SUGCT: variants seen among roughly 807,000 people sequenced by gnomAD.
SUGCT encodes succinyl-CoA:glutarate-CoA transferase, also known as succinyl-CoA:glutarate CoA-transferase.
SUGCT carries 41 observed loss-of-function variants against 55.0 expected under a neutral mutation model. That is an observed-to-expected ratio of 0.74 (90% CI 0.58 to 0.97). SUGCT has a LOEUF of 0.97. Among genes scored for constraint, SUGCT ranks in the 50% least tolerant of loss-of-function variants. The pLI, the probability that SUGCT is intolerant of heterozygous loss-of-function variation, is 0.00. For synonymous variants in SUGCT, 187 were observed against 200.4 expected, an observed-to-expected ratio of 0.93 and a Z score of 0.56; for missense variants, 568 against 547.8, an observed-to-expected ratio of 1.04 and a Z score of -0.37.
intron 8 of SUGCT, among the ~76,000 whole-genome samples, chr7:40,298,502 GT>G (rs768318170): frequency 7.2e-5 from 11 of 152,218 alleles, no homozygotes; most frequent in Admixed American, 2.6e-4. Flanking sequence ...TTTTCTTTTA[GT>G]GGGTAGGACT....
intron 12 of SUGCT, among the ~76,000 whole-genome samples, chr7:40,725,050 G>A (rs1444320565): frequency 6.6e-6 from 1 of 152,176 alleles, no homozygotes; most frequent in African/African-American, 2.4e-5. Flanking sequence ...GACAGGAGCT[G>A]TCGTGGGGCT....
At chr7:40,645,049 C>G (rs929108907) in intron 12 of SUGCT, among the ~76,000 whole-genome samples, 1 of 152,210 alleles carries the variant, frequency 6.6e-6, no homozygotes, top group Non-Finnish European at 1.5e-5. Context: ...CATGAGTCAA[C>G]ATCGCTCTGT....
chr7:40,851,928 C>T (rs1220661934), intron 13 of SUGCT, among the ~76,000 whole-genome samples: 1 of 152,138 alleles, frequency 6.6e-6, no homozygotes, highest in South Asian at 2.1e-4. Flanking sequence ...ATTTTTAAAA[C>T]CTCAGCATCA....
At chr7:41,006,781 A>G in the SUGCT span, among the ~76,000 whole-genome samples, 10 of 152,248 alleles carry the variant, frequency 6.6e-5, no homozygotes, top group South Asian at 1.0e-3. Flanking sequence ...TCTGTCTTGG[A>G]TACTCACCCT....
intron 12 of SUGCT, among the ~76,000 whole-genome samples, chr7:40,585,583 G>A (rs1031090380): frequency 6.6e-6 from 1 of 152,070 alleles, no homozygotes; most frequent in Non-Finnish European, 1.5e-5. Context: ...ATGTTTCCCT[G>A]GCTGGTGTTG....
chr7:40,522,946 T>G (rs1351130972), intron 12 of SUGCT, among the ~76,000 whole-genome samples: 3 of 152,144 alleles, frequency 2.0e-5, no homozygotes, highest in Non-Finnish European at 2.9e-5. Context: ...AAATACATTT[T>G]ATGCATAAAA....
At chr7:40,366,520 CA>C (rs1183774806) in intron 9 of SUGCT, among the ~76,000 whole-genome samples, 1 of 152,080 alleles carries the variant, frequency 6.6e-6, no homozygotes, top group East Asian at 1.9e-4. Context: ...ACTCATCTGA[CA>C]AAGGGCTAAT....
chr7:40,494,245 A>G (rs1396238468), intron 11 of SUGCT, among the ~76,000 whole-genome samples: 5 of 152,206 alleles, frequency 3.3e-5, no homozygotes, highest in Non-Finnish European at 5.9e-5. Context: ...AAAATTTATC[A>G]GGCTAACTGT....
chr7:40,178,112 G>T (rs1785014250), intron 1 of SUGCT, among the ~76,000 whole-genome samples: 1 of 152,154 alleles, frequency 6.6e-6, no homozygotes, highest in African/African-American at 2.4e-5. Context: ...TACTGCGGTT[G>T]GTTGACACTT....
chr7:40,627,334 T>C (rs2151802131), intron 12 of SUGCT, among the ~76,000 whole-genome samples: 1 of 152,346 alleles, frequency 6.6e-6, no homozygotes, highest in African/African-American at 2.4e-5. Context: ...AAATACCTGC[T>C]AGAGCTTTCC....
rs867859751 is a variant in SUGCT, at chr7:40,841,521, C to G, written c.1154-18795C>G. Among the ~76,000 whole-genome samples, 12 of 152,242 alleles carry G rather than the reference C, an allele frequency of 7.9e-5. 1 individual carries two copies. In the South Asian group the frequency reaches 2.3e-3, roughly 29 times the overall value. Reference sequence around the variant, plus strand: ...AGTTACTCTTAAAAATAAGCATGCTCAAACACAGAACAAGTACCTGTTGTA... The same window carrying G: ...AGTTACTCTTAAAAATAAGCATGCTGAAACACAGAACAAGTACCTGTTGTA... On this transcript the variant is annotated intron_variant, in intron 13 of 13. Coordinates refer to ENST00000335693, the MANE Select transcript of SUGCT (RefSeq NM_001193313.2).
chr7:40,477,256 G>T (rs879530125), intron 11 of SUGCT, among the ~76,000 whole-genome samples: 3 of 151,906 alleles, frequency 2.0e-5, no homozygotes, highest in Non-Finnish European at 4.4e-5. Context: ...TCATCTTTAG[G>T]AGTCATTTAA....
chr7:40,585,225 G>T (rs551236115), intron 12 of SUGCT, among the ~76,000 whole-genome samples: 8 of 152,154 alleles, frequency 5.3e-5, no homozygotes, highest in African/African-American at 1.7e-4. Flanking sequence ...AAGCATTGTG[G>T]TTTCAGACAG....
intron 7 of SUGCT, among the ~76,000 whole-genome samples, chr7:40,253,475 G>A (rs888338141): frequency 6.6e-6 from 1 of 152,184 alleles, no homozygotes; most frequent in Admixed American, 6.5e-5. Context: ...ATGAAGGCAC[G>A]GACTGGCTGT....
chr7:40,758,399 A>T (rs1057309368), intron 13 of SUGCT, among the ~76,000 whole-genome samples: 4 of 152,110 alleles, frequency 2.6e-5, no homozygotes, highest in African/African-American at 9.7e-5. Flanking sequence ...ATTTAAAATG[A>T]TTGTAGTTTA....
At chr7:40,871,578 T>C in the SUGCT span, among the ~76,000 whole-genome samples, 14 of 152,182 alleles carry the variant, frequency 9.2e-5, no homozygotes, top group Admixed American at 6.5e-5. Flanking sequence ...TTTTAGATAG[T>C]TTGTTATACA....
chr7:40,796,702 G>T (rs1450052776), intron 13 of SUGCT, among the ~76,000 whole-genome samples: 1 of 152,160 alleles, frequency 6.6e-6, no homozygotes, highest in Non-Finnish European at 1.5e-5. Context: ...TCACACCCTG[G>T]TCTTCATCAC....
At chr7:40,368,590 A>T (rs551307156) in intron 9 of SUGCT, among the ~76,000 whole-genome samples, 3 of 152,296 alleles carry the variant, frequency 2.0e-5, no homozygotes, top group African/African-American at 7.2e-5. Context: ...CAGTTGCCTC[A>T]AGCTCAGACT....
intron 9 of SUGCT, among the ~76,000 whole-genome samples, chr7:40,330,691 ATT>A: frequency 1.3e-4 from 2 of 14,842 alleles, no homozygotes; most frequent in Middle Eastern, 0.056. Flanking sequence ...ATGGGGGGGC[ATT>A]TATTTACTTT....
Sources: gnomAD v4.1 joint callset for allele counts (sites outside exome capture counted in the v4.1 genomes callset) on GRCh38, gnomAD v4.1.1 for gene constraint, MANE v1.5 for transcripts, NCBI Gene and HGNC (gene_info 2026-07-23, HGNC 2026-07-21) for gene names.